HLA-F: variants seen among roughly 807,000 people sequenced by gnomAD.
The protein encoded by HLA-F is HLA class I histocompatibility antigen, alpha chain F.
A neutral mutation model predicts 49.5 loss-of-function variants in HLA-F; 46 were observed. The ratio of observed to expected loss-of-function variants is 0.93; its 90% CI spans 0.73 to 1.19. The LOEUF (loss-of-function observed/expected upper bound fraction) is 1.19, where lower values mean the gene tolerates loss of function less well. Among genes scored for constraint, HLA-F ranks in the 50% most tolerant of loss-of-function variants. HLA-F has a pLI of 0.00. For synonymous variants in HLA-F, 203 were observed against 233.5 expected (o/e 0.87, Z 1.19); for missense variants, 496 against 579.6 (o/e 0.86, Z 1.48).
intron 6 of HLA-F, chr6:29,726,263 G>T: frequency 5.1e-6 from 5 of 989,276 alleles, no homozygotes; most frequent in Non-Finnish European, 8.1e-6. Context: ...TGTGAGTGGG[G>T]TGTTGGGGGG....
At chr6:29,736,165 A>G (rs1274380153) in intron 3 of HLA-F, 6 of 279,556 alleles carry the variant, frequency 2.1e-5, no homozygotes, top group Non-Finnish European at 4.2e-5. Flanking sequence ...CTGACTGACC[A>G]AGCAACCCAT....
chr6:29,725,147 G>T lies in HLA-F; in HGVS notation c.727G>T (p.Glu243Ter). The T allele has an allele frequency of 6.2e-7, 1 of 1,614,126 alleles. No homozygotes were observed. The highest frequency in any genetic ancestry group is 8.5e-7 in the Non-Finnish European group (1 of 1,180,032). ...EITLTWQRDGEEQTQDTELVE... is the reference protein window; with the variant it reads ...EITLTWQRDG Reference sequence around the variant, plus strand: ...CACGCTGACCTGGCAGCGGGATGGGGAGGAACAGACCCAGGACACAGAGCT... The same window carrying T: ...CACGCTGACCTGGCAGCGGGATGGGTAGGAACAGACCCAGGACACAGAGCT... Residue 243 changes from glutamate (E) to a stop codon, truncating the protein, a stop_gained, in exon 4 of 7, where the codon GAG becomes TAG. Coordinates refer to ENST00000259951, the MANE Select transcript of HLA-F (RefSeq NM_001098479.2). LOFTEE classifies it high-confidence loss of function.
Position 29,724,255 on chromosome 6 carries a change from C to T in HLA-F, c.417C>T (p.Tyr139=), listed in dbSNP as rs3087327. 5.0e-6 allele frequency: 8 copies of T among 1,613,280 alleles called. No homozygotes were observed. Among genetic ancestry groups the T allele is most frequent in the Non-Finnish European group, 6.8e-6 (8 of 1,180,046 alleles). Residue 139 remains tyrosine (Y), a synonymous_variant, in exon 3 of 7, where the codon TAC becomes TAT. Transcript: ENST00000259951. ...RLLRGYHQHA[Y]DGKDYISLNE... is the part of the protein sequence containing the mutation. ...TCCGCGGGTATCACCAGCACGCGTA[C>T]GACGGCAAGGATTACATCTCCCTGA...
At chr6:29,728,556 TAGTGA>T (rs1776320670), downstream of HLA-F, 2 of 153,450 alleles carry the variant, frequency 1.3e-5, no homozygotes, top group South Asian at 4.1e-4. Flanking sequence ...CTATCACTGC[TAGTGA>T]AGTGCCAAAA....
At chr6:29,726,491 A>T (rs1159983016) in intron 6 of HLA-F, 1 of 1,566,918 alleles carries the variant, frequency 6.4e-7, no homozygotes, top group South Asian at 1.2e-5. Flanking sequence ...CATAAATTTT[A>T]AAAATAAAGA....
chr6:29,731,363 G>A (rs1776593457), downstream of HLA-F, among the ~76,000 whole-genome samples: 1 of 152,194 alleles, frequency 6.6e-6, no homozygotes, highest in South Asian at 2.1e-4. Flanking sequence ...GCAAGCTGGA[G>A]AACCAAGGAA....
intron 3 of HLA-F, among the ~76,000 whole-genome samples, chr6:29,734,647 A>C (rs1776904478): frequency 6.6e-6 from 1 of 152,202 alleles, no homozygotes; most frequent in African/African-American, 2.4e-5. Context: ...CCTCTTTTTT[A>C]CTGTGATACA....
chr6:29,731,901 T>C (rs1282493629), downstream of HLA-F, among the ~76,000 whole-genome samples: 1 of 152,204 alleles, frequency 6.6e-6, no homozygotes, highest in Non-Finnish European at 1.5e-5. Context: ...AGTATGACAG[T>C]ATAATAAGGC....
In HLA-F at chr6:29,727,043, G is replaced by A. The variant is rs769273221; in HGVS notation, c.1197G>A (p.Trp399Ter). ...GGATCTTGTTTTTTTTGTGGCTGTG[G>A]ACATCTTTCAACACTGCCTTCTTGG... ...DMWILFFLWL[W>*]TSFNTAFLAL... The change falls in exon 7 of 7, where the codon TGG (tryptophan) becomes TGA (stop). Residue 399 changes from tryptophan (W) to a stop codon, truncating the protein, a stop_gained. Transcript: ENST00000259951. LOFTEE classifies it high-confidence loss of function. 2 of 1,613,318 alleles carry A rather than the reference G, an allele frequency of 1.2e-6. No individual in the cohort carries two copies. Among genetic ancestry groups the A allele is most frequent in the South Asian group, 2.2e-5 (2 of 91,084 alleles).
At chr6:29,727,388 G>A (rs564906432), downstream of HLA-F, 21 of 473,586 alleles carry the variant, frequency 4.4e-5, no homozygotes, top group Middle Eastern at 5.4e-4. Context: ...ATGTCCACTC[G>A]TTGCCTTTGG....
chr6:29,732,983 T>G (rs780534526), intron 3 of HLA-F, among the ~76,000 whole-genome samples: 28 of 151,454 alleles, frequency 1.8e-4, no homozygotes, highest in African/African-American at 6.3e-4. Flanking sequence ...AGGTCGGGAG[T>G]TCGAGACCAG....
rs1775651738 is a variant in HLA-F at position 29,723,812 on chromosome 6, G to C, written c.219G>C (p.Val73=). 6.2e-7 allele frequency: 1 copy of C among 1,604,576 alleles called. No homozygotes were observed. Among genetic ancestry groups the C allele is most frequent in the Non-Finnish European group, 8.5e-7 (1 of 1,175,928 alleles). Residue 73 remains valine (V), a synonymous_variant, in exon 2 of 7, where the codon GTG becomes GTC. Transcript: ENST00000259951. The stretch of plus-strand genomic sequence containing the variant: ...GGATGGAGCCGCGGGAGCCGTGGGT[G>C]GAGCAAGAGGGGCCGCAGTATTGGG... ...IPRMEPREPW[V]EQEGPQYWEW... is the part of the protein sequence containing the mutation.
chr6:29,725,124 C>T lies in HLA-F; in HGVS notation c.704C>T (p.Thr235Met), dbSNP rs763843117. The change falls in exon 4 of 7, where the codon ACG becomes ATG. Residue 235 changes from threonine (T) to methionine (M), a missense_variant. Coordinates refer to ENST00000259951, the MANE Select transcript of HLA-F (RefSeq NM_001098479.2). ...CTGGGCTTCTACCCTGCGGAGATCA[C>T]GCTGACCTGGCAGCGGGATGGGGAG... ...WALGFYPAEI[T>M]LTWQRDGEEQ... is the part of the protein sequence containing the mutation. 2.6e-5 allele frequency: 42 copies of T among 1,614,006 alleles called. No homozygotes were observed. Among genetic ancestry groups the T allele is most frequent in the Non-Finnish European group, 3.5e-5 (41 of 1,180,018 alleles).
chr6:29,725,907 C>T (rs1776003254), intron 5 of HLA-F, 104 bp from the exon 6 acceptor site: 1 of 1,264,144 alleles, frequency 7.9e-7, no homozygotes, highest in Non-Finnish European at 1.1e-6. Flanking sequence ...TCTACAGTTA[C>T]ACTTTTCTGG....
chr6:29,733,587 T>C (rs1176600848), intron 3 of HLA-F, among the ~76,000 whole-genome samples: 1 of 152,186 alleles, frequency 6.6e-6, no homozygotes, highest in East Asian at 1.9e-4. Context: ...CTGTGAATAG[T>C]CACTTCTCTC....
chr6:29,730,961 C>A (rs1221651298), downstream of HLA-F, among the ~76,000 whole-genome samples: 1 of 152,156 alleles, frequency 6.6e-6, no homozygotes, highest in African/African-American at 2.4e-5. Flanking sequence ...CCCACATGCA[C>A]CTGCTCCCCG....
chr6:29,724,052 A>C, intron 2 of HLA-F, 121 bp from the exon 3 acceptor site: 1 of 1,546,356 alleles, frequency 6.5e-7, no homozygotes, highest in Non-Finnish European at 8.8e-7. Context: ...CAGACCCTCC[A>C]CCCGGGAGAG....
At chr6:29,733,967 A>T (rs114250926) in intron 3 of HLA-F, among the ~76,000 whole-genome samples, 2,256 of 152,346 alleles carry the variant, frequency 0.015, 24 homozygotes, top group Admixed American at 0.032. Context: ...CCCTGAGAAC[A>T]TAAAATCTTC....
chr6:29,735,131 T>C (rs907465713), intron 3 of HLA-F: 38 of 151,378 alleles, frequency 2.5e-4, no homozygotes, highest in African/African-American at 8.3e-4. Flanking sequence ...AAAATATACA[T>C]GTTACTACTA....
Sources: allele counts gnomAD v4.1 joint callset (sites outside exome capture counted in the v4.1 genomes callset), GRCh38; gene constraint gnomAD v4.1.1; transcripts MANE v1.5; gene names NCBI Gene and HGNC (gene_info 2026-07-23, HGNC 2026-07-21).